SUPT3H: variants seen among roughly 807,000 people sequenced by gnomAD.
SUPT3H encodes transcription initiation protein SPT3 homolog.
SUPT3H carries 44 observed loss-of-function variants against 44.3 expected under a neutral mutation model. That is an observed-to-expected ratio of 0.99 (90% CI 0.78 to 1.28). The LOEUF is 1.28. SUPT3H is among the 50% of genes most tolerant of loss of function. The pLI is 0.00. For missense variants in SUPT3H, 380 were observed against 387.1 expected, an observed-to-expected ratio of 0.98 and a Z score of 0.15; for synonymous variants, 124 against 125.6, an observed-to-expected ratio of 0.99 and a Z score of 0.09.
intron 10 of SUPT3H, among the ~76,000 whole-genome samples, chr6:44,844,240 T>G (rs1485707543): frequency 1.3e-5 from 2 of 152,086 alleles, no homozygotes; most frequent in Non-Finnish European, 2.9e-5. Context: ...GTACAAATAT[T>G]AACTGAAAAT....
At chr6:44,939,573 C>T (rs767300041) in intron 9 of SUPT3H, among the ~76,000 whole-genome samples, 18 of 152,046 alleles carry the variant, frequency 1.2e-4, no homozygotes, top group Non-Finnish European at 2.1e-4. Context: ...GTAATGACCT[C>T]ATAGAATTAT....
chr6:45,239,289 T>C (rs1363081807), intron 2 of SUPT3H, among the ~76,000 whole-genome samples: 3 of 152,228 alleles, frequency 2.0e-5, no homozygotes, highest in Non-Finnish European at 4.4e-5. Context: ...TTACAGCTCA[T>C]ACATGTCTTC....
At chr6:45,172,670 C>T (rs532727432) in intron 2 of SUPT3H, among the ~76,000 whole-genome samples, 9 of 151,720 alleles carry the variant, frequency 5.9e-5, no homozygotes, top group African/African-American at 1.9e-4. Context: ...CAGCTCGCTA[C>T]AACCTCTGCC....
At chr6:45,308,715 C>T (rs1783487539) in intron 2 of SUPT3H, among the ~76,000 whole-genome samples, 1 of 143,824 alleles carries the variant, frequency 7.0e-6, no homozygotes, top group Admixed American at 7.1e-5. Flanking sequence ...AAGTTGTGCA[C>T]ATGTACCCTA....
chr6:44,889,329 A>T (rs959910379), intron 10 of SUPT3H, among the ~76,000 whole-genome samples: 6 of 152,196 alleles, frequency 3.9e-5, no homozygotes, highest in African/African-American at 1.4e-4. Flanking sequence ...AGCCAAAAGA[A>T]CAAAGTTGGA....
intron 3 of SUPT3H, among the ~76,000 whole-genome samples, chr6:45,061,776 T>C (rs1467037367): frequency 6.6e-6 from 1 of 152,094 alleles, no homozygotes; most frequent in Non-Finnish European, 1.5e-5. Flanking sequence ...GTGATACTTA[T>C]GAATAACATA....
chr6:45,331,119 GT>G (rs1787402539), intron 2 of SUPT3H, among the ~76,000 whole-genome samples: 4 of 149,756 alleles, frequency 2.7e-5, no homozygotes, highest in Non-Finnish European at 5.9e-5. Context: ...GTGTGTGTGT[GT>G]GTGTGTGCGC....
At chr6:45,291,005 C>T (rs1268258060) in intron 2 of SUPT3H, among the ~76,000 whole-genome samples, 1 of 152,102 alleles carries the variant, frequency 6.6e-6, no homozygotes, top group Non-Finnish European at 1.5e-5. Flanking sequence ...AATCAGGAAA[C>T]CTGAAAGGAC....
chr6:45,123,565 A>G (rs985066018), intron 2 of SUPT3H, among the ~76,000 whole-genome samples: 4 of 151,898 alleles, frequency 2.6e-5, no homozygotes, highest in Non-Finnish European at 5.9e-5. Context: ...TTTTTAAAGT[A>G]CAATTAAAAA....
chr6:45,025,658 C>T (rs577462788), intron 3 of SUPT3H, among the ~76,000 whole-genome samples: 14 of 151,970 alleles, frequency 9.2e-5, no homozygotes, highest in South Asian at 4.1e-4. Context: ...CCGAGACAGG[C>T]GGATCATGAG....
At chr6:44,825,603 TGTGA>T (rs1291112581), downstream of SUPT3H, among the ~76,000 whole-genome samples, 5 of 152,252 alleles carry the variant, frequency 3.3e-5, no homozygotes, top group African/African-American at 4.8e-5. Context: ...GTAGTGGGGC[TGTGA>T]GTATTAAATG....
At chr6:45,071,961 C>T (rs1031683421) in intron 3 of SUPT3H, among the ~76,000 whole-genome samples, 2 of 152,196 alleles carry the variant, frequency 1.3e-5, no homozygotes, top group African/African-American at 4.8e-5. Context: ...AATCTCTCTA[C>T]AGTGCCCTGT....
chr6:45,267,794 T>G (rs932365172), intron 2 of SUPT3H, among the ~76,000 whole-genome samples: 4 of 151,738 alleles, frequency 2.6e-5, no homozygotes, highest in Admixed American at 1.3e-4. Flanking sequence ...GACACCACCA[T>G]CACCAAAAGA....
At chr6:44,864,137 A>C (rs1775100172) in intron 10 of SUPT3H, among the ~76,000 whole-genome samples, 1 of 152,196 alleles carries the variant, frequency 6.6e-6, no homozygotes, top group Admixed American at 6.5e-5. Context: ...TCATTTCAGC[A>C]TTAACTCAAA....
intron 2 of SUPT3H, chr6:45,361,689 G>C (rs1275184312): frequency 6.6e-6 from 1 of 152,172 alleles, no homozygotes; most frequent in Non-Finnish European, 1.5e-5. Flanking sequence ...TATGCACTAG[G>C]TAAGGCACAA....
At chr6:45,119,058 A>G (rs1801236651) in intron 2 of SUPT3H, among the ~76,000 whole-genome samples, 1 of 152,182 alleles carries the variant, frequency 6.6e-6, no homozygotes, top group South Asian at 2.1e-4. Flanking sequence ...GATAGATAAC[A>G]GAGCACAGCT....
At chr6:45,265,969 C>T (rs1775188517) in intron 2 of SUPT3H, among the ~76,000 whole-genome samples, 1 of 152,000 alleles carries the variant, frequency 6.6e-6, no homozygotes, top group Non-Finnish European at 1.5e-5. Context: ...TCACCTTTCA[C>T]AGAATTAATG....
chr6:44,861,389 CTTTTT>C (rs1051619634), intron 10 of SUPT3H, among the ~76,000 whole-genome samples: 5 of 149,894 alleles, frequency 3.3e-5, no homozygotes, highest in African/African-American at 1.2e-4. Flanking sequence ...CTTTTCTTTT[CTTTTT>C]GTTTTTTTTT....
intron 10 of SUPT3H, among the ~76,000 whole-genome samples, chr6:44,861,086 GTTTTT>G (rs1225804392): frequency 6.6e-5 from 10 of 151,886 alleles, no homozygotes; most frequent in African/African-American, 1.9e-4. Context: ...GTTTTGTTTT[GTTTTT>G]TTATTTTTTG....
Sources: gnomAD v4.1 joint callset for allele counts (sites outside exome capture counted in the v4.1 genomes callset) on GRCh38, gnomAD v4.1.1 for gene constraint, MANE v1.5 for transcripts, NCBI Gene and HGNC (gene_info 2026-07-23, HGNC 2026-07-21) for gene names.